Variants in NEK11 observed in about 807,000 individuals in gnomAD.
NEK11 encodes serine/threonine-protein kinase Nek11.
Under a neutral mutation model 80.7 loss-of-function variants are expected in NEK11, and 72 were observed. The ratio of observed to expected loss-of-function variants is 0.89; its 90% CI spans 0.74 to 1.08. The LOEUF (loss-of-function observed/expected upper bound fraction) is 1.08, where lower values mean the gene tolerates loss of function less well. Among genes scored for constraint, NEK11 ranks in the 50% least tolerant of loss-of-function variants. The pLI is 0.00. For missense variants in NEK11, 764 were observed against 763.6 expected (o/e 1.00, Z -0.01); for synonymous variants, 251 against 260.7 (o/e 0.96, Z 0.36).
At chr3:131,114,093 T>A (rs2080610579) in intron 5 of NEK11, among the ~76,000 whole-genome samples, 1 of 152,092 alleles carries the variant, frequency 6.6e-6, no homozygotes, top group Non-Finnish European at 1.5e-5. Flanking sequence ...GAATGGTTTT[T>A]AAATGGAGCA....
In NEK11 at chr3:131,346,881, T is replaced by G. The variant is rs533917859; in HGVS notation, c.1719-2676T>G. On this transcript the variant is annotated intron_variant, in intron 17 of 17. Coordinates refer to ENST00000383366, the MANE Select transcript of NEK11 (RefSeq NM_024800.5). ...TGATATGATCATGGGAATGGGCAAC[T>G]CAGGTAGGGTAAAAGAAATGATGGC... is the stretch of plus-strand genomic sequence containing the variant. 3.9e-5 allele frequency among the ~76,000 whole-genome samples: 6 copies of G among 152,190 alleles called. No homozygotes were observed. The South Asian group carries it at 1.0e-3, about 26-fold the overall frequency.
intron 7 of NEK11, chr3:131,134,365 T>G (rs1230973868): frequency 6.5e-6 from 1 of 153,122 alleles, no homozygotes; most frequent in Non-Finnish European, 1.5e-5. Flanking sequence ...TTTTGTTACT[T>G]TTAAGAATTT....
intron 15 of NEK11, among the ~76,000 whole-genome samples, chr3:131,237,765 T>C (rs966834633): frequency 6.6e-6 from 1 of 152,158 alleles, no homozygotes; most frequent in African/African-American, 2.4e-5. Context: ...AATTAGCTCC[T>C]CCTGAGCCAA....
chr3:131,290,629 A>G (rs1452836534), intron 17 of NEK11, among the ~76,000 whole-genome samples: 2 of 152,162 alleles, frequency 1.3e-5, no homozygotes, highest in Middle Eastern at 3.2e-3. Context: ...TGCTGCTGTC[A>G]TGCTGCCAGA....
intron 14 of NEK11, among the ~76,000 whole-genome samples, chr3:131,205,562 C>G (rs961826572): frequency 1.3e-5 from 2 of 152,168 alleles, no homozygotes; most frequent in Admixed American, 1.3e-4. Context: ...GCTGCCAGAG[C>G]TCCGTCTGTC....
At chr3:131,333,846 C>G (rs888166421) in intron 17 of NEK11, among the ~76,000 whole-genome samples, 2 of 152,066 alleles carry the variant, frequency 1.3e-5, no homozygotes, top group African/African-American at 2.4e-5. Flanking sequence ...GACTTTAAAC[C>G]AACAAAGATC....
chr3:131,141,114 A>G (rs930912512), intron 7 of NEK11, among the ~76,000 whole-genome samples: 1 of 152,142 alleles, frequency 6.6e-6, no homozygotes, highest in Non-Finnish European at 1.5e-5. Flanking sequence ...GTGTACCAGA[A>G]TAGCTCATAC....
chr3:131,348,531 C>T (rs1434447967), intron 17 of NEK11, among the ~76,000 whole-genome samples: 2 of 151,694 alleles, frequency 1.3e-5, no homozygotes, highest in East Asian at 1.9e-4. Context: ...AAGACATTCA[C>T]ATTAAAACAT....
chr3:131,082,768 A>G (rs1278756655), intron 4 of NEK11, among the ~76,000 whole-genome samples: 1 of 152,212 alleles, frequency 6.6e-6, no homozygotes, highest in African/African-American at 2.4e-5. Flanking sequence ...GAACTTCCAT[A>G]TGCCCTTTAT....
chr3:131,349,851 C>G lies in NEK11; in HGVS notation c.*75C>G. 1 of 1,111,468 alleles carries G rather than the reference C, an allele frequency of 9.0e-7. No homozygotes were observed. The highest frequency in any genetic ancestry group is 1.3e-6 in the Non-Finnish European group (1 of 748,970). The allele number at this position is 1,111,468 out of a possible 1,614,324, so 68.9% of individuals were successfully genotyped here. On this transcript the variant is annotated 3_prime_UTR_variant, in exon 18 of 18. Coordinates refer to ENST00000383366, the MANE Select transcript of NEK11 (RefSeq NM_024800.5). ...ATTCATTTAACATATAAGCTGAACT[C>G]TATTATGGGGAATGGATACAAAAGC...
At chr3:131,191,070 T>A (rs1234561072) in intron 14 of NEK11, among the ~76,000 whole-genome samples, 1 of 152,200 alleles carries the variant, frequency 6.6e-6, no homozygotes, top group African/African-American at 2.4e-5. Flanking sequence ...TTAACTAATA[T>A]CTCTTGTGGT....
intron 14 of NEK11, among the ~76,000 whole-genome samples, chr3:131,184,305 G>A (rs528197544): frequency 6.6e-6 from 1 of 152,278 alleles, no homozygotes; most frequent in South Asian, 2.1e-4. Flanking sequence ...GAATTTGTTA[G>A]AAATGCAGAA....
At chr3:131,194,422 C>A (rs922277419) in intron 14 of NEK11, among the ~76,000 whole-genome samples, 11 of 151,992 alleles carry the variant, frequency 7.2e-5, no homozygotes, top group African/African-American at 2.7e-4. Context: ...TTATTACATC[C>A]TAGAGAGTTT....
At chr3:131,166,929 C>T (rs1008828490) in intron 12 of NEK11, among the ~76,000 whole-genome samples, 3 of 152,208 alleles carry the variant, frequency 2.0e-5, no homozygotes, top group African/African-American at 7.2e-5. Context: ...CTCTTCTTCT[C>T]TGGTGCAGTC....
At chr3:131,137,269 C>A (rs113036888) in intron 7 of NEK11, among the ~76,000 whole-genome samples, 3 of 152,250 alleles carry the variant, frequency 2.0e-5, no homozygotes, top group Admixed American at 1.3e-4. Context: ...AGAGAAGAAC[C>A]AGCACCTGCC....
chr3:131,124,639 C>A (rs1319667090), intron 5 of NEK11, among the ~76,000 whole-genome samples: 1 of 152,086 alleles, frequency 6.6e-6, no homozygotes, highest in South Asian at 2.1e-4. Context: ...ACCAAGAGAA[C>A]CCCAAGAGTA....
intron 17 of NEK11, among the ~76,000 whole-genome samples, chr3:131,347,252 G>A (rs537438169): frequency 3.7e-4 from 56 of 152,280 alleles, no homozygotes; most frequent in Non-Finnish European, 5.6e-4. Context: ...GCTTGTGAAA[G>A]GCTACGAAAA....
At chr3:131,231,788 C>T (rs985665146) in intron 15 of NEK11, among the ~76,000 whole-genome samples, 5 of 151,946 alleles carry the variant, frequency 3.3e-5, no homozygotes, top group African/African-American at 1.2e-4. Context: ...AGATTGGCCT[C>T]TTCTCCCCTT....
At chr3:131,190,306 A>G (rs945895794) in intron 14 of NEK11, among the ~76,000 whole-genome samples, 3 of 152,134 alleles carry the variant, frequency 2.0e-5, no homozygotes, top group African/African-American at 7.2e-5. Context: ...GCCTCCATTC[A>G]ACTGGGGGCG....
Sources: allele counts gnomAD v4.1 joint callset (sites outside exome capture counted in the v4.1 genomes callset), GRCh38; gene constraint gnomAD v4.1.1; transcripts MANE v1.5; gene names NCBI Gene and HGNC (gene_info 2026-07-23, HGNC 2026-07-21).